The following SLC48A1 variants were observed in gnomAD, a reference collection of about 807,000 sequenced individuals.
SLC48A1 encodes heme transporter HRG1.
A neutral mutation model predicts 14.8 loss-of-function variants in SLC48A1; 6 were observed. The observed-to-expected ratio is 0.41, with a 90% confidence interval of 0.22 to 0.80. The LOEUF is 0.80. SLC48A1 is among the 30% of genes least tolerant of loss of function. The pLI is 0.34. For missense variants in SLC48A1, 165 were observed against 204.8 expected, an observed-to-expected ratio of 0.81 and a Z score of 1.19; for synonymous variants, 89 against 90.0, an observed-to-expected ratio of 0.99 and a Z score of 0.06.
chr12:47,774,528 T>A (rs142306139), intron 1 of SLC48A1, among the ~76,000 whole-genome samples: 1 of 152,202 alleles, frequency 6.6e-6, no homozygotes, highest in Admixed American at 6.5e-5. Flanking sequence ...TTACATATGA[T>A]GATTATATTC....
At chr12:47,766,829 C>A (rs1942525664), upstream of SLC48A1, among the ~76,000 whole-genome samples, 1 of 152,192 alleles carries the variant, frequency 6.6e-6, no homozygotes, top group Non-Finnish European at 1.5e-5. Flanking sequence ...AGACTCTGAG[C>A]AGTTTCACTC....
At position 47,780,258 on chromosome 12, in the gene SLC48A1, A is replaced by G. The variant is rs1942837753; in HGVS notation, c.418A>G (p.Ile140Val). The G allele has an allele frequency of 1.9e-6, 3 of 1,614,212 alleles. No individual in the cohort carries two copies. Among genetic ancestry groups the G allele is most frequent in the Non-Finnish European group, 2.5e-6 (3 of 1,180,026 alleles). ...CCGCTACCGGGCTGACTTTGCTGAC[A>G]TCAGCATCCTCAGCGATTTCTGACC... ...AHRYRADFAD[I>V]SILSDF The change falls in exon 3 of 3, where the codon ATC becomes GTC. Residue 140 changes from isoleucine to valine, a missense_variant. Transcript: ENST00000442218.
intron 2 of SLC48A1, among the ~76,000 whole-genome samples, chr12:47,761,229 AAT>A (rs1344426973): frequency 4.7e-5 from 7 of 150,360 alleles, no homozygotes; most frequent in African/African-American, 1.7e-4. Context: ...GGGGAAATCG[AAT>A]ATGTTTGTGT....
chr12:47,773,468 G>T, intron 1 of SLC48A1, 28 bp downstream of exon 1: 2 of 1,306,898 alleles, frequency 1.5e-6, no homozygotes, highest in Non-Finnish European at 9.8e-7. Flanking sequence ...GCGGCGCGGG[G>T]CGGGTGCGCG....
Position 47,780,602 on chromosome 12 carries a change from TG to T in SLC48A1, c.*322del, listed in dbSNP as rs1942849756. 2.2e-6 allele frequency: 1 copy of T among 457,918 alleles called. No homozygotes were observed. The highest frequency in any genetic ancestry group is 2.1e-5 in the African/African-American group (1 of 48,056). The allele number at this position is 457,918 out of a possible 1,614,324, so 28.4% of individuals were successfully genotyped here. A position where few individuals can be genotyped will look rare whatever the true frequency, so the allele number is the denominator to read the frequency against. On this transcript the variant is annotated 3_prime_UTR_variant, in exon 3 of 3. Transcript: ENST00000442218. ...TTTTTTTTGAGATGGAGTCTTACTC[TG>T]TCACCCAGGCTGGAGTGCAGTAGTG...
At chr12:47,764,486 A>ATCC in intron 2 of SLC48A1, among the ~76,000 whole-genome samples, 1 of 152,160 alleles carries the variant, frequency 6.6e-6, no homozygotes, top group Non-Finnish European at 1.5e-5. Flanking sequence ...GGTAGGGGCG[A>ATCC]CTGCAGGAGC....
Position 47,760,302 on chromosome 12 carries a change from G to A in SLC48A1, c.-286G>A, listed in dbSNP as rs57514352. ...AGGAGGAAAGCCTGAGAATGAATCTGACCTCAGACCCAAATCCATTCAACG... is the reference window on the plus strand; with the variant it reads ...AGGAGGAAAGCCTGAGAATGAATCTAACCTCAGACCCAAATCCATTCAACG... On this transcript the variant is annotated 5_prime_UTR_variant, in exon 2 of 5. Transcript: ENST00000547002. The A allele has an allele frequency of 4.6e-5, 45 of 985,452 alleles. No individual in the cohort carries two copies. The East Asian group carries it at 5.1e-3, about 112-fold the overall frequency. The allele number at this position is 985,452 out of a possible 1,614,324, so 61.0% of individuals were successfully genotyped here.
At chr12:47,757,617 C>T (rs913601871), upstream of SLC48A1, among the ~76,000 whole-genome samples, 1 of 152,190 alleles carries the variant, frequency 6.6e-6, no homozygotes. Flanking sequence ...CAACAAATCC[C>T]TTTCCCCTTC....
intron 1 of SLC48A1, among the ~76,000 whole-genome samples, chr12:47,775,364 A>G (rs555462986): frequency 9.5e-4 from 142 of 149,370 alleles, no homozygotes; most frequent in Admixed American, 2.2e-3. Flanking sequence ...GAGAGGCGCT[A>G]GGGCAGCAGC....
chr12:47,757,908 C>G (rs150482518), upstream of SLC48A1: 3 of 1,557,110 alleles, frequency 1.9e-6, no homozygotes, highest in Middle Eastern at 1.9e-4. Context: ...GGTGCTCCAG[C>G]AGCAGCTGGT....
chr12:47,764,272 C>CA (rs2136847321), intron 2 of SLC48A1, among the ~76,000 whole-genome samples: 1 of 152,252 alleles, frequency 6.6e-6, no homozygotes, highest in South Asian at 2.1e-4. Flanking sequence ...CCCTAAGAGT[C>CA]ACTTTTCTCC....
rs558008660 is a variant in SLC48A1, at chr12:47,780,307, TG to T, written c.*33del. 6.2e-6 allele frequency: 10 copies of T among 1,613,898 alleles called. No individual in the cohort carries two copies. The highest frequency in any genetic ancestry group is 8.5e-6 in the Non-Finnish European group (10 of 1,179,858). ...CCCAGGGGGTGAGGTCTCTGCACCC[TG>T]GGGGGGCCTTAGGACCTGGACTCAG... On this transcript the variant is annotated 3_prime_UTR_variant, in exon 3 of 3. Transcript: ENST00000442218.
chr12:47,780,188 C>T lies in SLC48A1; in HGVS notation c.348C>T (p.Ser116=). 6.2e-7 allele frequency: 1 copy of T among 1,613,296 alleles called. No individual in the cohort carries two copies. The highest frequency in any genetic ancestry group is 8.5e-7 in the Non-Finnish European group (1 of 1,179,534). Residue 116 remains serine (S), a synonymous_variant, in exon 3 of 3, where the codon AGC becomes AGT. Transcript: ENST00000442218. ...GCTACTACCTCTCCAGCGTCTGGAGCTTCATTTCCTTCAAGTGGGCCTTCC... is the reference window on the plus strand; with the variant it reads ...GCTACTACCTCTCCAGCGTCTGGAGTTTCATTTCCTTCAAGTGGGCCTTCC... ...PTSYYLSSVW[S]FISFKWAFLL... is the part of the protein sequence containing the mutation.
chr12:47,754,275 A>G (rs1222482499), upstream of SLC48A1, among the ~76,000 whole-genome samples: 1 of 152,256 alleles, frequency 6.6e-6, no homozygotes, highest in African/African-American at 2.4e-5. Context: ...CACAGACAGT[A>G]GAGGTATTCT....
chr12:47,780,306 C>G lies in SLC48A1; in HGVS notation c.*25C>G. ...ACCCAGGGGGTGAGGTCTCTGCACC[C>G]TGGGGGGGCCTTAGGACCTGGACTC... On this transcript the variant is annotated 3_prime_UTR_variant, in exon 3 of 3. Coordinates refer to ENST00000442218, the MANE Select transcript of SLC48A1 (RefSeq NM_017842.3). 1.2e-6 allele frequency: 2 copies of G among 1,614,060 alleles called. No individual in the cohort carries two copies. Among genetic ancestry groups the G allele is most frequent in the Non-Finnish European group, 1.7e-6 (2 of 1,179,924 alleles).
chr12:47,771,687 C>T (rs1359088178), upstream of SLC48A1: 1 of 152,224 alleles, frequency 6.6e-6, no homozygotes, highest in Non-Finnish European at 1.5e-5. Flanking sequence ...AATCCCAGCA[C>T]TTTGGGAGGC....
At chr12:47,779,745 A>G (rs7973372) in intron 2 of SLC48A1, among the ~76,000 whole-genome samples, 119,614 of 152,158 alleles carry the variant, frequency 0.79, 47,233 homozygotes, top group East Asian at 0.92. Flanking sequence ...GAACCAGGCC[A>G]CACAGCAGGT....
chr12:47,781,718 A>C lies in SLC48A1; in HGVS notation c.*1437A>C, dbSNP rs1942883715. On this transcript the variant is annotated 3_prime_UTR_variant, in exon 3 of 3. Coordinates refer to ENST00000442218, the MANE Select transcript of SLC48A1 (RefSeq NM_017842.3). Reference sequence around the variant, plus strand: ...GTGGGACTCTTGCGGGAACAGGTGGACTTTGGGAGGAGTGGGCAGGGAGGG... The same window carrying C: ...GTGGGACTCTTGCGGGAACAGGTGGCCTTTGGGAGGAGTGGGCAGGGAGGG... The C allele has an allele frequency of 6.6e-6, 1 of 152,402 alleles. No individual in the cohort carries two copies. The highest frequency in any genetic ancestry group is 6.6e-5 in the Admixed American group (1 of 15,260). The allele number at this position is 152,402 out of a possible 1,614,324, so 9.4% of individuals were successfully genotyped here.
chr12:47,759,698 G>A (rs1003323458), intron 1 of SLC48A1, among the ~76,000 whole-genome samples: 1 of 152,216 alleles, frequency 6.6e-6, no homozygotes. Flanking sequence ...GGCCCAGCGC[G>A]GGCCTCTTCG....
Sources: allele counts gnomAD v4.1 joint callset (sites outside exome capture counted in the v4.1 genomes callset), GRCh38; gene constraint gnomAD v4.1.1; transcripts MANE v1.5; gene names NCBI Gene and HGNC (gene_info 2026-07-23, HGNC 2026-07-21).